Variants in APP observed in about 807,000 individuals in gnomAD.
The protein encoded by APP is amyloid-beta precursor protein.
A neutral mutation model predicts 101.4 loss-of-function variants in APP; 31 were observed. The ratio of observed to expected loss-of-function variants is 0.31; its 90% CI spans 0.23 to 0.41. The LOEUF (loss-of-function observed/expected upper bound fraction) is 0.41. APP is among the 10% of genes least tolerant of loss of function. APP has a pLI of 1.00. For missense variants in APP, 839 were observed against 1,003.7 expected (o/e 0.84, Z 2.22); for synonymous variants, 366 against 364.4 (o/e 1.00, Z -0.05).
intron 1 of APP, among the ~76,000 whole-genome samples, chr21:26,141,108 G>A (rs1349792798): frequency 6.6e-6 from 1 of 152,148 alleles, no homozygotes; most frequent in African/African-American, 2.4e-5. Flanking sequence ...TCAACATGAC[G>A]CCTGGCACCT....
At chr21:25,897,522 G>A in intron 16 of APP, 51 bp downstream of exon 16, 1 of 1,355,234 alleles carries the variant, frequency 7.4e-7, no homozygotes, top group South Asian at 1.2e-5. Flanking sequence ...GAGTTAATAG[G>A]TCATTTGGCA....
chr21:25,903,981 G>A (rs953724606), intron 15 of APP, among the ~76,000 whole-genome samples: 1 of 9,060 alleles, frequency 1.1e-4, no homozygotes, highest in African/African-American at 5.3e-4. Context: ...GAAGTGTGAG[G>A]GACAGGGTGG....
chr21:26,069,948 G>A (rs2046608976), intron 3 of APP, among the ~76,000 whole-genome samples: 1 of 152,166 alleles, frequency 6.6e-6, no homozygotes, highest in Non-Finnish European at 1.5e-5. Context: ...TTAGGATATA[G>A]TACTTGAAAC....
At chr21:26,025,587 T>C (rs1189817154) in intron 5 of APP, among the ~76,000 whole-genome samples, 2 of 152,174 alleles carry the variant, frequency 1.3e-5, no homozygotes, top group Non-Finnish European at 2.9e-5. Context: ...ATGTGGCCCT[T>C]AAAGCTCTGA....
chr21:26,000,212 T>G (rs1430769396), intron 6 of APP, 30 bp from the exon 7 acceptor site: 2 of 1,613,104 alleles, frequency 1.2e-6, no homozygotes, highest in Non-Finnish European at 8.5e-7. Flanking sequence ...GGAACCACAT[T>G]TAGCATGAAA....
intron 1 of APP, among the ~76,000 whole-genome samples, chr21:26,118,885 A>G (rs754762624): frequency 1.8e-4 from 11 of 61,284 alleles, no homozygotes; most frequent in Non-Finnish European, 3.3e-4. Context: ...CACCAAAGGG[A>G]AAAAAAAATG....
At chr21:26,056,419 G>A (rs893227906) in intron 3 of APP, among the ~76,000 whole-genome samples, 2 of 152,108 alleles carry the variant, frequency 1.3e-5, no homozygotes, top group African/African-American at 2.4e-5. Context: ...TTGGATATTA[G>A]GAGTTCATTA....
chr21:25,907,240 C>T (rs2038840184), intron 14 of APP, among the ~76,000 whole-genome samples: 1 of 152,096 alleles, frequency 6.6e-6, no homozygotes, highest in Admixed American at 6.5e-5. Flanking sequence ...AAACTAGTTT[C>T]AGTGACATAA....
At chr21:25,932,237 AAAG>A (rs2040179594) in intron 13 of APP, among the ~76,000 whole-genome samples, 2 of 152,258 alleles carry the variant, frequency 1.3e-5, no homozygotes, top group Admixed American at 6.5e-5. Flanking sequence ...TGCCGAGAAC[AAAG>A]AAGAAAATAG....
At chr21:26,108,665 A>G (rs2062239620) in intron 2 of APP, among the ~76,000 whole-genome samples, 1 of 152,152 alleles carries the variant, frequency 6.6e-6, no homozygotes, top group Non-Finnish European at 1.5e-5. Flanking sequence ...AAGAGGGTGG[A>G]TCGCAAGGTC....
intron 13 of APP, among the ~76,000 whole-genome samples, chr21:25,944,200 G>T (rs535641265): frequency 1.3e-5 from 2 of 152,218 alleles, no homozygotes; most frequent in South Asian, 4.1e-4. Context: ...TTTTTTAAAC[G>T]CACTATCTGA....
chr21:25,957,472 T>C (rs1328217271), intron 11 of APP, among the ~76,000 whole-genome samples: 6 of 152,232 alleles, frequency 3.9e-5, no homozygotes, highest in Non-Finnish European at 5.9e-5. Flanking sequence ...CCACCCTCGA[T>C]GCTTGCTTGT....
At chr21:25,897,732 T>C (rs1388929324) in intron 15 of APP, 59 bp from the exon 16 acceptor site, 15 of 1,417,514 alleles carry the variant, frequency 1.1e-5, no homozygotes, top group Non-Finnish European at 1.5e-5. Flanking sequence ...TCATAAATAA[T>C]AACACTGTAA....
intron 17 of APP, among the ~76,000 whole-genome samples, chr21:25,888,762 G>A (rs1484965102): frequency 7.5e-6 from 1 of 132,546 alleles, no homozygotes; most frequent in African/African-American, 2.9e-5. Context: ...ACACTGCTTG[G>A]TAAACTGACT....
intron 14 of APP, among the ~76,000 whole-genome samples, chr21:25,908,313 A>G (rs2038892888): frequency 6.6e-6 from 1 of 152,254 alleles, no homozygotes; most frequent in South Asian, 2.1e-4. Flanking sequence ...TATTTTCTTC[A>G]ATGTAAATTT....
intron 13 of APP, among the ~76,000 whole-genome samples, chr21:25,918,431 G>A (rs912141618): frequency 5.5e-4 from 83 of 152,208 alleles, no homozygotes; most frequent in South Asian, 1.2e-3. Flanking sequence ...CGTGAGCGAC[G>A]CAGAAGACGG....
intron 1 of APP, among the ~76,000 whole-genome samples, chr21:26,124,980 C>G (rs2062651147): frequency 6.6e-6 from 1 of 152,276 alleles, no homozygotes; most frequent in African/African-American, 2.4e-5. Context: ...ACCAAAGGTG[C>G]TGGAGTGTTA....
chr21:26,125,148 A>G (rs1340285055), intron 1 of APP, among the ~76,000 whole-genome samples: 1 of 152,240 alleles, frequency 6.6e-6, no homozygotes, highest in African/African-American at 2.4e-5. Flanking sequence ...GCACAAGGCT[A>G]GCGTCCAAAT....
At chr21:26,123,728 T>G (rs2062623001) in intron 1 of APP, among the ~76,000 whole-genome samples, 1 of 152,166 alleles carries the variant, frequency 6.6e-6, no homozygotes, top group Non-Finnish European at 1.5e-5. Context: ...TAAAAAATTG[T>G]TGCCGAAAGA....
Sources: allele counts gnomAD v4.1 joint callset (sites outside exome capture counted in the v4.1 genomes callset), GRCh38; gene constraint gnomAD v4.1.1; transcripts MANE v1.5; gene names NCBI Gene and HGNC (gene_info 2026-07-23, HGNC 2026-07-21).